WWOX: variants seen among roughly 807,000 people sequenced by gnomAD.
The protein encoded by WWOX is WW domain-containing oxidoreductase.
In WWOX, 69 loss-of-function variants were observed where a neutral mutation model predicts 46.2. The observed-to-expected ratio is 1.49, with a 90% CI of 1.23 to 1.82. The LOEUF (loss-of-function observed/expected upper bound fraction) is 1.82, where lower values mean the gene tolerates loss of function less well. Among genes scored for constraint, WWOX ranks in the 40% most tolerant of loss-of-function variants. WWOX has a pLI of 0.00. For synonymous variants in WWOX, 359 were observed against 202.6 expected, an observed-to-expected ratio of 1.77 and a Z score of -6.56; for missense variants, 919 against 542.6, an observed-to-expected ratio of 1.69 and a Z score of -6.89.
chr16:78,631,848 T>A (rs10514439), intron 8 of WWOX, among the ~76,000 whole-genome samples: 64,695 of 152,034 alleles, frequency 0.43, 16,595 homozygotes, highest in Middle Eastern at 0.59. Context: ...TCAAAGTGAT[T>A]AGAAGTAGGA....
intron 5 of WWOX, among the ~76,000 whole-genome samples, chr16:78,240,759 GC>G (rs1421104712): frequency 1.3e-5 from 2 of 152,276 alleles, no homozygotes; most frequent in Admixed American, 1.3e-4. Context: ...ACCTGCGAGG[GC>G]CAGGCTGGGC....
chr16:78,600,270 C>T (rs1048000824), intron 8 of WWOX, among the ~76,000 whole-genome samples: 3 of 151,884 alleles, frequency 2.0e-5, no homozygotes, highest in Non-Finnish European at 4.4e-5. Flanking sequence ...TGGATAGGGA[C>T]ACAGCCAAAC....
At chr16:78,687,603 C>T (rs948310680) in intron 8 of WWOX, among the ~76,000 whole-genome samples, 1 of 151,256 alleles carries the variant, frequency 6.6e-6, no homozygotes, top group Non-Finnish European at 1.5e-5. Context: ...CCCCAATAAA[C>T]ATATTTTCTA....
intron 8 of WWOX, among the ~76,000 whole-genome samples, chr16:78,630,137 G>C (rs974327819): frequency 6.6e-6 from 1 of 151,972 alleles, no homozygotes; most frequent in African/African-American, 2.4e-5. Context: ...AAAAATAATT[G>C]TTGAATGAAT....
intron 5 of WWOX, among the ~76,000 whole-genome samples, chr16:78,192,644 T>C (rs574262574): frequency 7.2e-5 from 11 of 152,358 alleles, no homozygotes; most frequent in Non-Finnish European, 1.6e-4. Context: ...CTTACCGTTA[T>C]TGTCTCACTG....
chr16:78,634,822 G>C (rs1028700861), intron 8 of WWOX, among the ~76,000 whole-genome samples: 5 of 106,280 alleles, frequency 4.7e-5, no homozygotes, highest in East Asian at 4.5e-4. Flanking sequence ...GAGAGAGAGA[G>C]AGAGAGAGAG....
chr16:78,893,100 G>A (rs1023902736), intron 8 of WWOX, among the ~76,000 whole-genome samples: 10 of 151,940 alleles, frequency 6.6e-5, no homozygotes, highest in African/African-American at 2.2e-4. Context: ...CCACCCTGCT[G>A]AGTAAACTGT....
intron 8 of WWOX, among the ~76,000 whole-genome samples, chr16:79,091,578 A>C (rs1364036341): frequency 6.6e-6 from 1 of 152,102 alleles, no homozygotes; most frequent in East Asian, 1.9e-4. Flanking sequence ...AGAACACCCC[A>C]GAACAATCTG....
At chr16:78,926,100 A>C (rs532031364) in intron 8 of WWOX, among the ~76,000 whole-genome samples, 5 of 152,176 alleles carry the variant, frequency 3.3e-5, no homozygotes, top group Non-Finnish European at 7.3e-5. Flanking sequence ...CCAATTGTAG[A>C]ACCCTAAGAA....
chr16:78,800,631 C>T (rs1301677208), intron 8 of WWOX, among the ~76,000 whole-genome samples: 1 of 152,200 alleles, frequency 6.6e-6, no homozygotes, highest in Non-Finnish European at 1.5e-5. Context: ...GCAGTGGCAG[C>T]TGACGGCCAA....
At chr16:78,793,663 A>C (rs1567563721) in intron 8 of WWOX, among the ~76,000 whole-genome samples, 1 of 152,170 alleles carries the variant, frequency 6.6e-6, no homozygotes, top group Non-Finnish European at 1.5e-5. Context: ...TTTTCAGACT[A>C]TTCAGCCATT....
chr16:78,823,169 G>C (rs2051552012), intron 8 of WWOX, among the ~76,000 whole-genome samples: 1 of 152,228 alleles, frequency 6.6e-6, no homozygotes, highest in African/African-American at 2.4e-5. Flanking sequence ...CCCTGCTGCT[G>C]AGGTCATTCA....
chr16:78,641,307 T>A (rs2046704853), intron 8 of WWOX, among the ~76,000 whole-genome samples: 1 of 151,664 alleles, frequency 6.6e-6, no homozygotes, highest in South Asian at 2.1e-4. Context: ...AATATGACAA[T>A]AGGACCCATC....
At chr16:79,065,570 G>T (rs1407578151) in intron 8 of WWOX, among the ~76,000 whole-genome samples, 3 of 152,158 alleles carry the variant, frequency 2.0e-5, no homozygotes, top group Admixed American at 6.5e-5. Flanking sequence ...CCAGTCTTAG[G>T]TTCTACAATA....
At chr16:78,679,488 T>C (rs1326790343) in intron 8 of WWOX, among the ~76,000 whole-genome samples, 1 of 151,928 alleles carries the variant, frequency 6.6e-6, no homozygotes, top group Non-Finnish European at 1.5e-5. Flanking sequence ...GGGGCAGAGG[T>C]TGCAGTGAGC....
intron 8 of WWOX, among the ~76,000 whole-genome samples, chr16:78,518,568 C>G (rs1388585988): frequency 2.0e-5 from 3 of 152,156 alleles, no homozygotes; most frequent in African/African-American, 4.8e-5. Context: ...CTTAGGAGTA[C>G]TTTTGTCCAT....
intron 5 of WWOX, among the ~76,000 whole-genome samples, chr16:78,199,962 G>C (rs537124434): frequency 6.6e-6 from 1 of 152,350 alleles, no homozygotes; most frequent in African/African-American, 2.4e-5. Context: ...AAATATTTAT[G>C]TATGGAGCCA....
At chr16:79,138,296 C>G (rs1289486681) in intron 8 of WWOX, among the ~76,000 whole-genome samples, 1 of 152,150 alleles carries the variant, frequency 6.6e-6, no homozygotes. Context: ...CGTCATGATC[C>G]TTTTGTGTGG....
intron 8 of WWOX, among the ~76,000 whole-genome samples, chr16:79,151,574 G>A (rs745327083): frequency 7.9e-5 from 12 of 152,216 alleles, no homozygotes; most frequent in Non-Finnish European, 1.3e-4. Context: ...AGGCGACAGA[G>A]CTGAGACCTC....
Sources: allele counts gnomAD v4.1 joint callset (sites outside exome capture counted in the v4.1 genomes callset), GRCh38; gene constraint gnomAD v4.1.1; transcripts MANE v1.5; gene names NCBI Gene and HGNC (gene_info 2026-07-23, HGNC 2026-07-21).